NRXN1: variants seen among roughly 807,000 people sequenced by gnomAD.
NRXN1 encodes the protein neurexin 1.
Under a neutral mutation model 150.9 loss-of-function variants are expected in NRXN1, and 39 were observed. The ratio of observed to expected loss-of-function variants is 0.26; its 90% CI spans 0.20 to 0.34. The LOEUF is 0.34. NRXN1 is among the 10% of genes least tolerant of loss of function. The pLI is 1.00. For missense variants in NRXN1, 1,815 were observed against 1,949.9 expected (o/e 0.93, Z 1.30); for synonymous variants, 924 against 757.0 (o/e 1.22, Z -3.62).
At chr2:51,017,541 G>A (rs12990691) in intron 2 of NRXN1, among the ~76,000 whole-genome samples, 39 of 58,308 alleles carry the variant, frequency 6.7e-4, no homozygotes, top group East Asian at 1.1e-3. Flanking sequence ...TTTTTTTTTA[G>A]AAATGAGGTC....
intron 8 of NRXN1, among the ~76,000 whole-genome samples, chr2:50,603,695 G>A (rs1676643829): frequency 6.6e-6 from 1 of 152,100 alleles, no homozygotes; most frequent in South Asian, 2.1e-4. Context: ...TGTTTTCTGT[G>A]TTTGCAACCA....
intron 21 of NRXN1, among the ~76,000 whole-genome samples, chr2:50,020,424 C>A (rs1435614961): frequency 6.6e-6 from 1 of 152,140 alleles, no homozygotes; most frequent in Non-Finnish European, 1.5e-5. Context: ...TGAAAACTCA[C>A]AAGTTTTCAA....
At chr2:50,447,228 C>T (rs2086494454) in intron 17 of NRXN1, among the ~76,000 whole-genome samples, 1 of 151,934 alleles carries the variant, frequency 6.6e-6, no homozygotes, top group Non-Finnish European at 1.5e-5. Context: ...AATCTCAGCA[C>T]TTTGGGAGGC....
At chr2:51,001,221 A>C (rs1700009655) in intron 2 of NRXN1, among the ~76,000 whole-genome samples, 1 of 56,942 alleles carries the variant, frequency 1.8e-5, no homozygotes, top group Non-Finnish European at 3.1e-5. Context: ...GTACAATGGT[A>C]GATTCATGGG....
intron 5 of NRXN1, among the ~76,000 whole-genome samples, chr2:50,692,601 C>T (rs1692231744): frequency 6.6e-6 from 1 of 152,180 alleles, no homozygotes; most frequent in Middle Eastern, 3.4e-3. Flanking sequence ...CAACTTTATC[C>T]CTATTTTATG....
chr2:50,907,660 G>C (rs575983455), intron 5 of NRXN1, among the ~76,000 whole-genome samples: 6 of 152,052 alleles, frequency 3.9e-5, no homozygotes, highest in Non-Finnish European at 7.4e-5. Flanking sequence ...ACAGAAGAAT[G>C]GTCTGAGAGA....
intron 17 of NRXN1, among the ~76,000 whole-genome samples, chr2:50,373,354 G>A (rs1414707148): frequency 6.3e-5 from 9 of 143,916 alleles, no homozygotes; most frequent in Non-Finnish European, 4.5e-5. Context: ...TGAGGTAGAA[G>A]ACTCTGAGAC....
At chr2:50,132,982 G>A (rs181989714) in intron 18 of NRXN1, among the ~76,000 whole-genome samples, 12 of 151,982 alleles carry the variant, frequency 7.9e-5, no homozygotes, top group East Asian at 1.9e-4. Context: ...AAGGAGCTGC[G>A]TAACATTATA....
At chr2:50,355,691 T>A (rs997740130) in intron 17 of NRXN1, among the ~76,000 whole-genome samples, 2 of 152,200 alleles carry the variant, frequency 1.3e-5, no homozygotes, top group Non-Finnish European at 2.9e-5. Flanking sequence ...ATTGGAAAAA[T>A]TTCTGAACTC....
chr2:50,015,957 C>T (rs1331574607), intron 21 of NRXN1, among the ~76,000 whole-genome samples: 1 of 152,106 alleles, frequency 6.6e-6, no homozygotes, highest in African/African-American at 2.4e-5. Flanking sequence ...AATACAGGCA[C>T]TCAGTAAACT....
chr2:50,459,458 T>A (rs376545957), intron 17 of NRXN1, among the ~76,000 whole-genome samples: 1 of 152,138 alleles, frequency 6.6e-6, no homozygotes, highest in East Asian at 1.9e-4. Context: ...CTCCTCTCCC[T>A]CTTCCCACTC....
chr2:49,999,436 T>C (rs555872554), intron 21 of NRXN1, among the ~76,000 whole-genome samples: 2 of 152,280 alleles, frequency 1.3e-5, no homozygotes, highest in South Asian at 2.1e-4. Context: ...AGTCAAGTAC[T>C]GAACATGAAG....
At chr2:50,874,787 A>C (rs1678324391) in intron 5 of NRXN1, among the ~76,000 whole-genome samples, 1 of 151,810 alleles carries the variant, frequency 6.6e-6, no homozygotes, top group East Asian at 1.9e-4. Flanking sequence ...ACTCATTGCT[A>C]CCATTTTGCT....
At chr2:50,205,456 C>T (rs143366136) in intron 18 of NRXN1, among the ~76,000 whole-genome samples, 8 of 152,126 alleles carry the variant, frequency 5.3e-5, no homozygotes, top group East Asian at 1.9e-4. Context: ...AATATTTTCA[C>T]GGTATTCTTC....
chr2:50,857,702 G>C (rs997134174), intron 5 of NRXN1, among the ~76,000 whole-genome samples: 1 of 151,958 alleles, frequency 6.6e-6, no homozygotes, highest in Non-Finnish European at 1.5e-5. Context: ...AACTGTTTCT[G>C]ATTATCCATC....
chr2:50,214,639 T>C (rs1296573671), intron 18 of NRXN1, among the ~76,000 whole-genome samples: 1 of 151,994 alleles, frequency 6.6e-6, no homozygotes, highest in Non-Finnish European at 1.5e-5. Flanking sequence ...AACTCTTAAA[T>C]AGAGAGCTTG....
At chr2:50,227,445 G>A (rs2064505322) in intron 18 of NRXN1, among the ~76,000 whole-genome samples, 1 of 151,910 alleles carries the variant, frequency 6.6e-6, no homozygotes, top group African/African-American at 2.4e-5. Flanking sequence ...CAGAGCAGTG[G>A]GAGAAAATGG....
chr2:50,781,127 C>A (rs1167458645), intron 5 of NRXN1, among the ~76,000 whole-genome samples: 1 of 152,160 alleles, frequency 6.6e-6, no homozygotes, highest in Non-Finnish European at 1.5e-5. Flanking sequence ...CCATAAACCT[C>A]ATTTTCCTCA....
intron 18 of NRXN1, among the ~76,000 whole-genome samples, chr2:50,227,834 T>C (rs28503958): frequency 0.41 from 63,025 of 151,870 alleles, 13,245 homozygotes; most frequent in Middle Eastern, 0.46. Flanking sequence ...TAGCCATATG[T>C]TGAGCATTTG....
Sources: allele counts gnomAD v4.1 joint callset (sites outside exome capture counted in the v4.1 genomes callset), GRCh38; gene constraint gnomAD v4.1.1; transcripts MANE v1.5; gene names NCBI Gene and HGNC (gene_info 2026-07-23, HGNC 2026-07-21).